Variants in NOL4 observed in about 807,000 individuals in gnomAD.
NOL4 encodes cancer/testis antigen 125.
A neutral mutation model predicts 75.9 loss-of-function variants in NOL4; 17 were observed. That is an observed-to-expected ratio of 0.22 (90% CI 0.15 to 0.34). The LOEUF (loss-of-function observed/expected upper bound fraction) is 0.34. Among genes scored for constraint, NOL4 ranks in the 10% least tolerant of loss-of-function variants. The probability of loss-of-function intolerance (pLI) is 1.00; values close to 1 mark genes in which losing one functional copy is unlikely to be tolerated. For synonymous variants in NOL4, 292 were observed against 289.9 expected (o/e 1.01, Z -0.07); for missense variants, 614 against 793.5 (o/e 0.77, Z 2.72).
chr18:34,043,169 T>A (rs150633407), intron 5 of NOL4, among the ~76,000 whole-genome samples: 224 of 152,184 alleles, frequency 1.5e-3, no homozygotes, highest in Non-Finnish European at 2.9e-3. Context: ...ATGATTTTCT[T>A]CATGTACATA....
At chr18:33,936,907 G>C (rs76134487) in intron 9 of NOL4, among the ~76,000 whole-genome samples, 2,035 of 151,890 alleles carry the variant, frequency 0.013, 46 homozygotes, top group African/African-American at 0.046. Flanking sequence ...CTTACTTTTT[G>C]CCTCTTTGTC....
chr18:34,048,567 C>G, intron 5 of NOL4: 1 of 985,374 alleles, frequency 1.0e-6, no homozygotes, highest in Non-Finnish European at 1.2e-6. Context: ...GTCTGACTTC[C>G]CCTAAATTCT....
In NOL4 at chr18:33,932,958, T is replaced by C. The variant is rs571706145; in HGVS notation, c.1542+10107A>G. ...GATGTCAAGACCCATTAGAATGAAA[T>C]GACTTGCAAAATACGTTCTATCCCA... On this transcript the variant is annotated intron_variant, in intron 9 of 10. Coordinates refer to ENST00000261592, the MANE Select transcript of NOL4 (RefSeq NM_003787.5). 7.9e-5 allele frequency among the ~76,000 whole-genome samples: 12 copies of C among 152,208 alleles called. 2 individuals carry two copies. The South Asian group carries it at 1.0e-3, about 13-fold the overall frequency.
At position 33,902,478 on chromosome 18, in the gene NOL4, T is replaced by C. The variant is rs188026379; in HGVS notation, c.1543-19054A>G. On this transcript the variant is annotated intron_variant, in intron 9 of 10. Transcript: ENST00000261592. ...TGTAGACTGATGCGGAAATGTTTTA[T>C]ATAGAAAAGCAATGTTTTCCTTGAA... Among the ~76,000 whole-genome samples, 9 of 152,290 alleles carry C rather than the reference T, an allele frequency of 5.9e-5. No individual in the cohort carries two copies. The East Asian group carries it at 1.7e-3, about 29-fold the overall frequency.
At chr18:34,142,766 C>A (rs1394461700) in intron 1 of NOL4, among the ~76,000 whole-genome samples, 1 of 152,066 alleles carries the variant, frequency 6.6e-6, no homozygotes, top group African/African-American at 2.4e-5. Context: ...ACCAACATGG[C>A]ACATGTATAC....
intron 2 of NOL4, among the ~76,000 whole-genome samples, chr18:34,124,888 T>C (rs1051915695): frequency 1.0e-4 from 13 of 125,274 alleles, no homozygotes; most frequent in Admixed American, 9.9e-4. Flanking sequence ...GTGTGGGCAA[T>C]AAGAGCAAAA....
chr18:34,015,974 G>T (rs776475687), intron 6 of NOL4, among the ~76,000 whole-genome samples: 2 of 151,986 alleles, frequency 1.3e-5, no homozygotes, highest in Non-Finnish European at 2.9e-5. Flanking sequence ...GAGATAGTAA[G>T]CCAGGTGTAA....
At chr18:34,210,656 G>A (rs2036452913) in intron 1 of NOL4, among the ~76,000 whole-genome samples, 1 of 152,130 alleles carries the variant, frequency 6.6e-6, no homozygotes, top group South Asian at 2.1e-4. Flanking sequence ...TATTAAAAGA[G>A]CTTTTAGTAA....
intron 10 of NOL4, among the ~76,000 whole-genome samples, chr18:33,864,788 C>T (rs879659544): frequency 6.6e-6 from 1 of 152,186 alleles, no homozygotes; most frequent in Non-Finnish European, 1.5e-5. Flanking sequence ...TTTAACTGAG[C>T]CATAATTCTG....
At chr18:33,926,778 T>C (rs2067359508) in intron 9 of NOL4, among the ~76,000 whole-genome samples, 1 of 152,042 alleles carries the variant, frequency 6.6e-6, no homozygotes, top group African/African-American at 2.4e-5. Context: ...TTTTTGTATT[T>C]TAGTAGAGAC....
Position 33,883,280 on chromosome 18 carries a change from C to T in NOL4, c.1687G>A (p.Gly563Arg), listed in dbSNP as rs1035282398. 1.1e-5 allele frequency: 17 copies of T among 1,611,642 alleles called. No homozygotes were observed. The highest frequency in any genetic ancestry group is 2.7e-5 in the African/African-American group (2 of 74,802). ...YSYHSYRGLG[G>R]GLLNLNDASS... ...GCATCATTCAGATTTAGCAGACCCC[C>T]TCCTAGCCCTCTGTAACTATGGTAA... The change falls in exon 10 of 11, where the codon GGG becomes AGG. Residue 563 changes from glycine (G) to arginine (R), a missense_variant. Coordinates refer to ENST00000261592, the MANE Select transcript of NOL4 (RefSeq NM_003787.5).
intron 6 of NOL4, among the ~76,000 whole-genome samples, chr18:33,965,825 C>T (rs1431957729): frequency 4.6e-5 from 7 of 152,084 alleles, no homozygotes; most frequent in Non-Finnish European, 7.4e-5. Context: ...GTCTTGGGTA[C>T]GTCTTTATTA....
intron 1 of NOL4, among the ~76,000 whole-genome samples, chr18:34,219,293 TAC>T (rs2037132977): frequency 6.6e-6 from 1 of 152,254 alleles, no homozygotes; most frequent in Admixed American, 6.5e-5. Flanking sequence ...CTTTTGATTA[TAC>T]AGTTTCAATA....
At chr18:34,180,349 G>A (rs1400648906) in intron 1 of NOL4, among the ~76,000 whole-genome samples, 1 of 151,466 alleles carries the variant, frequency 6.6e-6, no homozygotes, top group Non-Finnish European at 1.5e-5. Context: ...ATAAAAATTA[G>A]CAATGTAATA....
intron 6 of NOL4, among the ~76,000 whole-genome samples, chr18:33,958,704 T>C (rs1404708478): frequency 6.6e-6 from 1 of 152,170 alleles, no homozygotes; most frequent in African/African-American, 2.4e-5. Context: ...GCAATTAGTG[T>C]TTCCTCTCAA....
chr18:34,206,737 A>T (rs2036146293), intron 1 of NOL4, among the ~76,000 whole-genome samples: 1 of 152,080 alleles, frequency 6.6e-6, no homozygotes, highest in African/African-American at 2.4e-5. Flanking sequence ...CAGTTCCACC[A>T]AGCATTTTGA....
At chr18:33,880,142 T>C (rs2064173398) in intron 10 of NOL4, among the ~76,000 whole-genome samples, 1 of 152,152 alleles carries the variant, frequency 6.6e-6, no homozygotes, top group Non-Finnish European at 1.5e-5. Flanking sequence ...CTGTGAATTA[T>C]GTGTTTCTTT....
intron 5 of NOL4, among the ~76,000 whole-genome samples, chr18:34,028,322 G>A (rs1351076947): frequency 6.6e-6 from 1 of 152,238 alleles, no homozygotes; most frequent in Non-Finnish European, 1.5e-5. Flanking sequence ...CTGATTCAGA[G>A]TGTTCACTGC....
chr18:34,083,272 T>C (rs1399479596), intron 5 of NOL4, among the ~76,000 whole-genome samples: 1 of 152,086 alleles, frequency 6.6e-6, no homozygotes, highest in Non-Finnish European at 1.5e-5. Context: ...TTCTTGAAAA[T>C]GGAGTGGCAG....
Sources: gnomAD v4.1 joint callset for allele counts (sites outside exome capture counted in the v4.1 genomes callset) on GRCh38, gnomAD v4.1.1 for gene constraint, MANE v1.5 for transcripts, NCBI Gene and HGNC (gene_info 2026-07-23, HGNC 2026-07-21) for gene names.